The following VAV3 variants were observed in gnomAD, a reference collection of about 807,000 sequenced individuals.
VAV3 encodes vav guanine nucleotide exchange factor 3, also known as guanine nucleotide exchange factor VAV3.
A neutral mutation model predicts 131.2 loss-of-function variants in VAV3; 94 were observed. That is an observed-to-expected ratio of 0.72 (90% confidence interval 0.61 to 0.85). VAV3 has a LOEUF of 0.85. Among genes scored for constraint, VAV3 ranks in the 40% least tolerant of loss-of-function variants. The pLI, the probability that VAV3 is intolerant of heterozygous loss-of-function variation, is 0.00. For missense variants in VAV3, 939 were observed against 1,002.7 expected, an observed-to-expected ratio of 0.94 and a Z score of 0.86; for synonymous variants, 349 against 342.0, an observed-to-expected ratio of 1.02 and a Z score of -0.22.
At chr1:107,751,409 A>G (rs1412181682) in intron 12 of VAV3, among the ~76,000 whole-genome samples, 1 of 152,244 alleles carries the variant, frequency 6.6e-6, no homozygotes, top group Admixed American at 6.5e-5. Flanking sequence ...TATGTCAAGG[A>G]CATCAATTGA....
intron 2 of VAV3, among the ~76,000 whole-genome samples, chr1:107,800,597 G>T (rs554477271): frequency 4.9e-4 from 74 of 152,154 alleles, no homozygotes; most frequent in Non-Finnish European, 7.9e-4. Flanking sequence ...AATATTGCAT[G>T]ATGCTGAGGT....
chr1:107,876,871 T>C (rs1029906674), intron 1 of VAV3, among the ~76,000 whole-genome samples: 3 of 152,202 alleles, frequency 2.0e-5, no homozygotes, highest in African/African-American at 7.2e-5. Context: ...GAGCAACGTA[T>C]TAGCTAATTA....
chr1:107,635,158 G>A (rs1364164009), intron 20 of VAV3, among the ~76,000 whole-genome samples: 1 of 152,070 alleles, frequency 6.6e-6, no homozygotes, highest in Non-Finnish European at 1.5e-5. Context: ...CTGCTATAAA[G>A]ACACATGCAC....
intron 1 of VAV3, among the ~76,000 whole-genome samples, chr1:107,951,568 A>G (rs1027920787): frequency 1.3e-5 from 2 of 152,198 alleles, no homozygotes; most frequent in South Asian, 2.1e-4. Flanking sequence ...TTTGCAAACT[A>G]TGCATCTGAC....
intron 12 of VAV3, among the ~76,000 whole-genome samples, chr1:107,752,151 A>G (rs192727747): frequency 3.3e-5 from 5 of 152,318 alleles, no homozygotes; most frequent in Admixed American, 2.6e-4. Flanking sequence ...AGGTATATAG[A>G]CCAACAGAAT....
At chr1:107,759,979 T>C (rs1265120854) in intron 10 of VAV3, among the ~76,000 whole-genome samples, 1 of 152,200 alleles carries the variant, frequency 6.6e-6, no homozygotes, top group Non-Finnish European at 1.5e-5. Flanking sequence ...TTAATGCATT[T>C]TTAAGGAATA....
In VAV3 at chr1:107,778,296, CATTTT is replaced by C. The variant is rs1218850908; in HGVS notation, c.381-1005_381-1001del. Among the ~76,000 whole-genome samples, 3 of 152,002 alleles carry C rather than the reference CATTTT, an allele frequency of 2.0e-5. No individual in the cohort carries two copies. The East Asian group carries it at 5.8e-4, about 29-fold the overall frequency. On this transcript the variant is annotated intron_variant, in intron 3 of 26. Coordinates refer to ENST00000370056, the MANE Select transcript of VAV3 (RefSeq NM_006113.5). ...TAATCATTTTTTATAAATTAAGGCA[CATTTT>C]ATTATGCAAGTTCATTGTAGAAAAT...
intron 20 of VAV3, among the ~76,000 whole-genome samples, chr1:107,636,099 A>T (rs1427956192): frequency 6.6e-6 from 1 of 152,244 alleles, no homozygotes; most frequent in Non-Finnish European, 1.5e-5. Flanking sequence ...ATAAGGAAAG[A>T]ATAAATAAGA....
chr1:107,862,250 G>C (rs1036566637), intron 2 of VAV3, among the ~76,000 whole-genome samples: 1 of 151,516 alleles, frequency 6.6e-6, no homozygotes, highest in African/African-American at 2.4e-5. Context: ...ATTGTTTCCT[G>C]TAGTTGTTTG....
intron 25 of VAV3, 84 bp from the exon 26 acceptor site, chr1:107,574,282 C>T: frequency 1.3e-6 from 2 of 1,499,098 alleles, no homozygotes; most frequent in South Asian, 1.3e-5. Flanking sequence ...GTTATTGATG[C>T]TATCAAATGC....
At chr1:107,612,043 A>G (rs1652773585) in intron 21 of VAV3, among the ~76,000 whole-genome samples, 1 of 152,070 alleles carries the variant, frequency 6.6e-6, no homozygotes, top group Admixed American at 6.6e-5. Flanking sequence ...TCCCAGCACC[A>G]TAGTCCATTA....
intron 2 of VAV3, among the ~76,000 whole-genome samples, chr1:107,790,478 C>G (rs1666227393): frequency 6.6e-6 from 1 of 152,130 alleles, no homozygotes; most frequent in African/African-American, 2.4e-5. Flanking sequence ...AGAAGGGTTA[C>G]AGAGGAATGG....
At chr1:107,628,887 GA>G (rs1258893169) in intron 20 of VAV3, among the ~76,000 whole-genome samples, 11 of 152,158 alleles carry the variant, frequency 7.2e-5, no homozygotes, top group African/African-American at 2.7e-4. Context: ...CCCTCTTTAT[GA>G]AGACCTTGTG....
At chr1:107,784,988 G>T (rs753766411) in intron 2 of VAV3, among the ~76,000 whole-genome samples, 1 of 152,154 alleles carries the variant, frequency 6.6e-6, no homozygotes, top group Non-Finnish European at 1.5e-5. Flanking sequence ...AACCAATGAT[G>T]ATTTTTATTT....
chr1:107,692,020 T>C lies in VAV3; in HGVS notation c.1706-3614A>G, dbSNP rs556329148. 1.4e-3 allele frequency among the ~76,000 whole-genome samples: 208 copies of C among 147,376 alleles called. 1 individual carries two copies. The highest frequency in any genetic ancestry group is 0.011 in the Middle Eastern group (3 of 272). ...ATTGCACAATTTGCTTTGTCTCTTATCTGAAGTTCTATTCAGACTAAACAC... is the reference window on the plus strand; with the variant it reads ...ATTGCACAATTTGCTTTGTCTCTTACCTGAAGTTCTATTCAGACTAAACAC... On this transcript the variant is annotated intron_variant, in intron 17 of 26. Transcript: ENST00000370056.
rs187596174 is a variant in VAV3 at position 107,603,039 on chromosome 1, C to T, written c.2132+8G>A. The T allele has an allele frequency of 6.5e-5, 104 of 1,592,688 alleles. No homozygotes were observed. Among genetic ancestry groups the T allele is most frequent in the Non-Finnish European group, 8.3e-5 (96 of 1,161,482 alleles). On this transcript the variant is annotated splice_region_variant and intron_variant, in intron 23 of 26. Coordinates refer to ENST00000370056, the MANE Select transcript of VAV3 (RefSeq NM_006113.5). ...ATCTATTTCTGTAAAAGTACTTGTCCTACTTACTTAATGCTAATTGCATAT... is the reference window on the plus strand; with the variant it reads ...ATCTATTTCTGTAAAAGTACTTGTCTTACTTACTTAATGCTAATTGCATAT...
At chr1:107,824,350 C>G (rs904931209) in intron 2 of VAV3, among the ~76,000 whole-genome samples, 1 of 152,116 alleles carries the variant, frequency 6.6e-6, no homozygotes, top group Non-Finnish European at 1.5e-5. Context: ...CAAGGAACTT[C>G]TTTGTTTGTT....
chr1:107,847,335 C>T (rs960746706), intron 2 of VAV3, among the ~76,000 whole-genome samples: 3 of 152,020 alleles, frequency 2.0e-5, no homozygotes, highest in Admixed American at 2.0e-4. Flanking sequence ...GATCTAAAAT[C>T]GCCACCCTAA....
chr1:107,688,477 C>A, intron 17 of VAV3, 71 bp from the exon 18 acceptor site: 1 of 1,604,274 alleles, frequency 6.2e-7, no homozygotes, highest in South Asian at 1.1e-5. Context: ...TTAGCTTTCT[C>A]TGCAGAGTGG....
Sources: gnomAD v4.1 joint callset for allele counts (sites outside exome capture counted in the v4.1 genomes callset) on GRCh38, gnomAD v4.1.1 for gene constraint, MANE v1.5 for transcripts, NCBI Gene and HGNC (gene_info 2026-07-23, HGNC 2026-07-21) for gene names.